Variants in SLCO3A1 observed in about 807,000 individuals in gnomAD.
The protein encoded by SLCO3A1 is PGE1 transporter.
Under a neutral mutation model 63.1 loss-of-function variants are expected in SLCO3A1, and 27 were observed. The ratio of observed to expected loss-of-function variants is 0.43; its 90% confidence interval spans 0.32 to 0.59. SLCO3A1 has a LOEUF of 0.59. Ranked by LOEUF, SLCO3A1 falls within the 20% of genes least tolerant of loss-of-function variation. The probability of loss-of-function intolerance (pLI) is 0.09; values close to 1 mark genes in which losing one functional copy is unlikely to be tolerated. For synonymous variants in SLCO3A1, 473 were observed against 409.9 expected (o/e 1.15, Z -1.86); for missense variants, 773 against 945.8 (o/e 0.82, Z 2.40).
chr15:92,041,971 A>G (rs77160321), intron 2 of SLCO3A1, among the ~76,000 whole-genome samples: 3,102 of 152,268 alleles, frequency 0.02, 56 homozygotes, highest in Non-Finnish European at 0.033. Context: ...TTTAATGGCC[A>G]TGAGGCTCAG....
At chr15:92,169,430 C>T (rs1438572811), downstream of SLCO3A1, among the ~76,000 whole-genome samples, 1 of 152,238 alleles carries the variant, frequency 6.6e-6, no homozygotes, top group Non-Finnish European at 1.5e-5. Context: ...ACTGTGGGGC[C>T]CCACATGCTC....
chr15:91,955,297 C>G (rs560024394), intron 2 of SLCO3A1, among the ~76,000 whole-genome samples: 2 of 152,192 alleles, frequency 1.3e-5, no homozygotes, highest in East Asian at 3.9e-4. Context: ...TTCTTAACCA[C>G]TATGCTGGGC....
rs183300692 is a variant in SLCO3A1 at position 91,968,888 on chromosome 15, C to A, written c.646+52430C>A. Among the ~76,000 whole-genome samples the A allele has an allele frequency of 2.0e-5, 3 of 152,190 alleles. No homozygotes were observed. Among genetic ancestry groups the A allele is most frequent in the Non-Finnish European group, 4.4e-5 (3 of 68,034 alleles). Reference sequence around the variant, plus strand: ...GCATGGAGTCTCCTTTCTCTTTCCCCTACCCAGGGGATCTGGCAAACTCGT... The same window carrying A: ...GCATGGAGTCTCCTTTCTCTTTCCCATACCCAGGGGATCTGGCAAACTCGT... On this transcript the variant is annotated intron_variant, in intron 2 of 9. Transcript: ENST00000318445. This position sits in a 1 kb window ranked among gnomAD's most constrained non-coding sequence, Gnocchi z 4.2.
intron 2 of SLCO3A1, among the ~76,000 whole-genome samples, chr15:92,062,710 G>A (rs2047101507): frequency 6.6e-6 from 1 of 152,208 alleles, no homozygotes; most frequent in Admixed American, 6.5e-5. Context: ...TCTCTGACAT[G>A]CCAGGTCACT....
At chr15:92,058,110 A>C (rs1044160787) in intron 2 of SLCO3A1, among the ~76,000 whole-genome samples, 2 of 152,076 alleles carry the variant, frequency 1.3e-5, no homozygotes, top group African/African-American at 4.8e-5. Context: ...CTATTGATTA[A>C]ATGCAGCCAT....
chr15:91,967,838 C>T lies in SLCO3A1; in HGVS notation c.646+51380C>T, dbSNP rs943865522. 3.3e-5 allele frequency among the ~76,000 whole-genome samples: 5 copies of T among 152,166 alleles called. No individual in the cohort carries two copies. The highest frequency in any genetic ancestry group is 5.9e-5 in the Non-Finnish European group (4 of 68,036). ...GTCACTTCAGTGTTCTCCCAAATCC[C>T]GCTGGCATAGGCTCTTTCCTTGTCT... On this transcript the variant is annotated intron_variant, in intron 2 of 9. Coordinates refer to ENST00000318445, the MANE Select transcript of SLCO3A1 (RefSeq NM_013272.4). The surrounding 1 kb of genome is among the most constrained non-coding windows in gnomAD (Gnocchi z 4.4).
chr15:91,881,147 A>G (rs181313745), intron 1 of SLCO3A1, among the ~76,000 whole-genome samples: 18 of 152,308 alleles, frequency 1.2e-4, no homozygotes, highest in African/African-American at 4.3e-4. Context: ...AAGGAGATGT[A>G]ATACAAGCAG....
intron 2 of SLCO3A1, among the ~76,000 whole-genome samples, chr15:91,923,793 TATAA>T (rs1898924617): frequency 1.3e-5 from 2 of 152,374 alleles, no homozygotes; most frequent in South Asian, 4.1e-4. Flanking sequence ...AAAACCATAC[TATAA>T]ATAAACCTGC....
rs141378179 is a variant in SLCO3A1, at chr15:92,115,897, T to G, written c.1010-4568T>G. The stretch of plus-strand genomic sequence containing the variant: ...CATTTTCCCCAACCTAGGCAGAAAT[T>G]TTTTATTATTATTATTGCTATTACT... On this transcript the variant is annotated intron_variant, in intron 4 of 9. Coordinates refer to ENST00000318445, the MANE Select transcript of SLCO3A1 (RefSeq NM_013272.4). Among the ~76,000 whole-genome samples the G allele has an allele frequency of 2.5e-3, 371 of 150,206 alleles. 3 individuals carry two copies. The highest frequency in any genetic ancestry group is 8.6e-3 in the African/African-American group (353 of 41,006).
intron 2 of SLCO3A1, among the ~76,000 whole-genome samples, chr15:92,087,923 A>G (rs2047426115): frequency 6.6e-6 from 1 of 152,244 alleles, no homozygotes; most frequent in Non-Finnish European, 1.5e-5. Context: ...TCTTCTGGTT[A>G]CATGCACCTA....
rs151016974 is a variant in SLCO3A1 at position 91,928,697 on chromosome 15, G to T, written c.646+12239G>T. 5.9e-5 allele frequency among the ~76,000 whole-genome samples: 9 copies of T among 152,320 alleles called. No individual in the cohort carries two copies. In the East Asian group the frequency reaches 1.5e-3, roughly 26 times the overall value. On this transcript the variant is annotated intron_variant, in intron 2 of 9. Transcript: ENST00000318445. Reference sequence around the variant, plus strand: ...GTGAGGCGTTTCTAGGCCAGGAGACGTCTGATGGGTCTGGGGTATTCAGGG... The same window carrying T: ...GTGAGGCGTTTCTAGGCCAGGAGACTTCTGATGGGTCTGGGGTATTCAGGG...
rs183215415 is a variant in SLCO3A1, at chr15:91,943,344, T to C, written c.646+26886T>C. ...AAGTGGAACCCTACAGTATCTGTCC[T>C]TTTGTGACTGGTTTACTTCACTTAG... On this transcript the variant is annotated intron_variant, in intron 2 of 9. Coordinates refer to ENST00000318445, the MANE Select transcript of SLCO3A1 (RefSeq NM_013272.4). Among the ~76,000 whole-genome samples, 221 of 152,354 alleles carry C rather than the reference T, an allele frequency of 1.5e-3. 2 individuals carry two copies. The highest frequency in any genetic ancestry group is 4.0e-4 in the Non-Finnish European group (27 of 68,036).
At chr15:92,024,374 A>G (rs1346280500) in intron 2 of SLCO3A1, among the ~76,000 whole-genome samples, 3 of 152,250 alleles carry the variant, frequency 2.0e-5, no homozygotes, top group African/African-American at 7.2e-5. Context: ...CTTCAGAGGA[A>G]AATGAGCCTT....
chr15:92,017,471 G>A lies in SLCO3A1; in HGVS notation c.647-77410G>A, dbSNP rs114946100. ...GTGTGAAGCATGTTCTGGAAAAGGC[G>A]GGGAAGGGCTGGACACGATGGCGCT... On this transcript the variant is annotated intron_variant, in intron 2 of 9. Transcript: ENST00000318445. 3.3e-3 allele frequency among the ~76,000 whole-genome samples: 500 copies of A among 152,302 alleles called. 1 individual carries two copies. Among genetic ancestry groups the A allele is most frequent in the African/African-American group, 0.011 (449 of 41,558 alleles).
chr15:92,120,700 C>G, intron 5 of SLCO3A1, 71 bp downstream of exon 5: 1 of 1,363,644 alleles, frequency 7.3e-7, no homozygotes, highest in Non-Finnish European at 1.0e-6. Flanking sequence ...TAAAAATTTA[C>G]TGAGCCCTGC....
chr15:92,016,445 G>A (rs531134845), intron 2 of SLCO3A1, among the ~76,000 whole-genome samples: 1 of 152,194 alleles, frequency 6.6e-6, no homozygotes, highest in African/African-American at 2.4e-5. Flanking sequence ...GAGCCACTGA[G>A]CCCAGCCTGA....
chr15:91,944,119 TAA>T (rs2151402965), intron 2 of SLCO3A1, among the ~76,000 whole-genome samples: 1 of 152,300 alleles, frequency 6.6e-6, no homozygotes, highest in Non-Finnish European at 1.5e-5. Context: ...CCTTCATCTA[TAA>T]ACTGCCTCCC....
exon 11 of SLCO3A1, chr15:92,171,920 G>A (rs1046466445): frequency 2.9e-5 from 39 of 1,338,852 alleles, no homozygotes; most frequent in African/African-American, 2.2e-4. Flanking sequence ...CACAGACCTC[G>A]CGGGCCTCAC....
At chr15:92,083,466 A>G (rs1310803826) in intron 2 of SLCO3A1, among the ~76,000 whole-genome samples, 3 of 152,292 alleles carry the variant, frequency 2.0e-5, no homozygotes, top group South Asian at 2.1e-4. Flanking sequence ...TCCTGGGTAC[A>G]GTAGGTTCTC....
Sources: allele counts gnomAD v4.1 joint callset (sites outside exome capture counted in the v4.1 genomes callset), GRCh38; gene constraint gnomAD v4.1.1; non-coding constraint Gnocchi (gnomAD v3.1); transcripts MANE v1.5; gene names NCBI Gene and HGNC (gene_info 2026-07-23, HGNC 2026-07-21).